Variants in LANCL2 observed in about 807,000 individuals in gnomAD.
LANCL2 encodes LanC like glutathione S-transferase 2.
A neutral mutation model predicts 56.9 loss-of-function variants in LANCL2; 33 were observed. That is an observed-to-expected ratio of 0.58 (90% CI 0.44 to 0.78). The LOEUF is 0.78. LANCL2 is among the 30% of genes least tolerant of loss of function. The pLI is 0.00. For missense variants in LANCL2, 562 were observed against 580.2 expected, an observed-to-expected ratio of 0.97 and a Z score of 0.32; for synonymous variants, 233 against 228.2, an observed-to-expected ratio of 1.02 and a Z score of -0.19.
intron 5 of LANCL2, among the ~76,000 whole-genome samples, chr7:55,402,736 G>A (rs1790353739): frequency 7.9e-6 from 1 of 127,048 alleles, no homozygotes. Context: ...GTGGCTGCCG[G>A]GCGGAGACGC....
chr7:55,428,056 G>C (rs1038224613), intron 7 of LANCL2: 1 of 368,330 alleles, frequency 2.7e-6, no homozygotes, highest in Non-Finnish European at 5.1e-6. Flanking sequence ...GGCGTTTCGA[G>C]TTGCTTCTGG....
At chr7:55,414,805 C>G (rs550287249) in intron 6 of LANCL2, among the ~76,000 whole-genome samples, 1 of 151,640 alleles carries the variant, frequency 6.6e-6, no homozygotes, top group African/African-American at 2.4e-5. Context: ...CATGGCAAAA[C>G]CATGTCTCTA....
chr7:55,400,789 A>G (rs1351624778), intron 4 of LANCL2, among the ~76,000 whole-genome samples: 1 of 152,234 alleles, frequency 6.6e-6, no homozygotes, highest in African/African-American at 2.4e-5. Context: ...TTTTATAAAT[A>G]AAGCCAGTTC....
intron 1 of LANCL2, among the ~76,000 whole-genome samples, chr7:55,385,332 G>C (rs1449628718): frequency 6.6e-6 from 1 of 152,334 alleles, no homozygotes; most frequent in Non-Finnish European, 1.5e-5. Context: ...AGAAGGAAAA[G>C]ATGTTGCAAG....
chr7:55,432,210 G>A lies in LANCL2; in HGVS notation c.*890G>A, dbSNP rs1188785986. 1 of 152,232 alleles carries A rather than the reference G, an allele frequency of 6.6e-6. No homozygotes were observed. The highest frequency in any genetic ancestry group is 1.5e-5 in the Non-Finnish European group (1 of 68,034). 9.4% of individuals were successfully genotyped at this position (152,232 alleles called of 1,614,324 possible). A position where few individuals can be genotyped will look rare whatever the true frequency, so the allele number is the denominator to read the frequency against. On this transcript the variant is annotated 3_prime_UTR_variant, in exon 9 of 9. Coordinates refer to ENST00000254770, the MANE Select transcript of LANCL2 (RefSeq NM_018697.4). The stretch of plus-strand genomic sequence containing the variant: ...TCTAAGAAAAGTAAATACAGTTCCA[G>A]ATGGGTTATTGCAGATTAACAGAAA...
chr7:55,410,014 T>G (rs1443011868), intron 5 of LANCL2, among the ~76,000 whole-genome samples: 1 of 152,164 alleles, frequency 6.6e-6, no homozygotes, highest in African/African-American at 2.4e-5. Context: ...CTTGGGAAGA[T>G]CAGAGGAAGG....
intron 6 of LANCL2, among the ~76,000 whole-genome samples, chr7:55,424,007 C>T (rs985463949): frequency 6.6e-6 from 1 of 152,208 alleles, no homozygotes; most frequent in East Asian, 1.9e-4. Context: ...CGCCTTTTTC[C>T]TGAGGCCTCA....
intron 1 of LANCL2, among the ~76,000 whole-genome samples, chr7:55,380,390 CA>C (rs201428845): frequency 0.011 from 1,612 of 148,466 alleles, 11 homozygotes; most frequent in Middle Eastern, 0.028. Context: ...TGGAGTGCAA[CA>C]AAAGAAGGTA....
At chr7:55,378,283 A>G (rs1790025592) in intron 1 of LANCL2, among the ~76,000 whole-genome samples, 1 of 152,126 alleles carries the variant, frequency 6.6e-6, no homozygotes, top group Non-Finnish European at 1.5e-5. Flanking sequence ...AACATGGGGA[A>G]ACCCTGTCTC....
rs2128997192 is a variant in LANCL2, at chr7:55,431,906, TTTTACAC to T, written c.*588_*594del. ...CACAGCTGAACGCTTCCCGTTTGGATTTTACACTCACCTTCGTGTTTTAAAGAAGCCT... is the reference window on the plus strand; with the variant it reads ...CACAGCTGAACGCTTCCCGTTTGGATTCACCTTCGTGTTTTAAAGAAGCCT... On this transcript the variant is annotated 3_prime_UTR_variant, in exon 9 of 9. Transcript: ENST00000254770. 1 of 152,384 alleles carries T rather than the reference TTTTACAC, an allele frequency of 6.6e-6. No homozygotes were observed. The highest frequency in any genetic ancestry group is 1.9e-4 in the East Asian group (1 of 5,188). The allele number at this position is 152,384 out of a possible 1,614,324, so 9.4% of individuals were successfully genotyped here.
At chr7:55,419,038 T>C (rs555568735) in intron 6 of LANCL2, among the ~76,000 whole-genome samples, 2 of 152,298 alleles carry the variant, frequency 1.3e-5, no homozygotes, top group African/African-American at 4.8e-5. Flanking sequence ...AATATTTTGT[T>C]AAAGATTTTT....
At position 55,431,275 on chromosome 7, in the gene LANCL2, A is replaced by G. The variant is rs1308185654; in HGVS notation, c.1308A>G (p.Thr436=). The part of the protein sequence containing the change: ...HFLSDVLGPE[T]SRFPAFELDS... ...TCTCTGATGTCCTGGGACCAGAGAC[A>G]TCACGGTTTCCAGCATTTGAACTTG... is the stretch of plus-strand genomic sequence containing the variant. Residue 436 remains threonine, a synonymous_variant, in exon 9 of 9, where the codon ACA becomes ACG. Coordinates refer to ENST00000254770, the MANE Select transcript of LANCL2 (RefSeq NM_018697.4). 5.0e-6 allele frequency: 8 copies of G among 1,614,018 alleles called. No individual in the cohort carries two copies. The South Asian group carries it at 5.5e-5, about 11-fold the overall frequency.
chr7:55,403,253 C>T (rs1351900880), intron 5 of LANCL2, among the ~76,000 whole-genome samples: 1 of 152,272 alleles, frequency 6.6e-6, no homozygotes, highest in African/African-American at 2.4e-5. Flanking sequence ...CCAGCCTGGC[C>T]AACACAGCGA....
chr7:55,377,525 C>T (rs1790016903), intron 1 of LANCL2, among the ~76,000 whole-genome samples: 1 of 151,906 alleles, frequency 6.6e-6, no homozygotes, highest in Non-Finnish European at 1.5e-5. Context: ...AGGAAAAAAG[C>T]TTTTTTATTT....
chr7:55,432,030 G>A lies in LANCL2; in HGVS notation c.*710G>A, dbSNP rs3823584. ...CCAGGGCAGCTGGAGCTTTGTTGGG[G>A]AGACTTCTGGACCCAAAGGGAGCTT... On this transcript the variant is annotated 3_prime_UTR_variant, in exon 9 of 9. Coordinates refer to ENST00000254770, the MANE Select transcript of LANCL2 (RefSeq NM_018697.4). 50,623 of 152,092 alleles carry A rather than the reference G, an allele frequency of 0.33. 9,040 individuals are homozygous for A. The highest frequency in any genetic ancestry group is 0.52 in the East Asian group (2,710 of 5,172). The allele number at this position is 152,092 out of a possible 1,614,324, so 9.4% of individuals were successfully genotyped here. A position where few individuals can be genotyped will look rare whatever the true frequency, so the allele number is the denominator to read the frequency against.
chr7:55,403,215 C>T lies in LANCL2; in HGVS notation c.825+1895C>T, dbSNP rs531999480. Among the ~76,000 whole-genome samples, 14 of 152,346 alleles carry T rather than the reference C, an allele frequency of 9.2e-5. 1 individual carries two copies. Among genetic ancestry groups the T allele is most frequent in the African/African-American group, 2.4e-4 (10 of 41,580 alleles). On this transcript the variant is annotated intron_variant, in intron 5 of 8. Coordinates refer to ENST00000254770, the MANE Select transcript of LANCL2 (RefSeq NM_018697.4). ...CGGCACCTCGGGAGGCCGAGGCTGG[C>T]GGATCACTCGCGGTTAGGAGCTGGA...
chr7:55,401,924 G>A (rs1166895304), intron 5 of LANCL2, among the ~76,000 whole-genome samples: 2 of 131,556 alleles, frequency 1.5e-5, no homozygotes, highest in Non-Finnish European at 3.3e-5. Context: ...AAAATGAAAA[G>A]TCTCCCATGT....
intron 8 of LANCL2, among the ~76,000 whole-genome samples, chr7:55,430,060 C>T (rs1255781868): frequency 2.0e-5 from 3 of 152,258 alleles, no homozygotes; most frequent in Non-Finnish European, 4.4e-5. Flanking sequence ...GCTGCCCACA[C>T]ACCTGAGCAG....
intron 6 of LANCL2, among the ~76,000 whole-genome samples, chr7:55,424,020 G>T (rs1790635985): frequency 6.6e-6 from 1 of 152,186 alleles, no homozygotes; most frequent in South Asian, 2.1e-4. Context: ...AGGCCTCAGA[G>T]CCCTTCTCGG....
Sources: gnomAD v4.1 joint callset for allele counts (sites outside exome capture counted in the v4.1 genomes callset) on GRCh38, gnomAD v4.1.1 for gene constraint, MANE v1.5 for transcripts, NCBI Gene and HGNC (gene_info 2026-07-23, HGNC 2026-07-21) for gene names.